CCDC150: variants seen among roughly 807,000 people sequenced by gnomAD.
The protein encoded by CCDC150 is coiled-coil domain-containing protein 150.
In CCDC150, 151 loss-of-function variants were observed where a neutral mutation model predicts 156.5. That is an observed-to-expected ratio of 0.97 (90% CI 0.85 to 1.10). The LOEUF (loss-of-function observed/expected upper bound fraction) is 1.10. Among genes scored for constraint, CCDC150 ranks in the 50% least tolerant of loss-of-function variants. The pLI is 0.00. For missense variants in CCDC150, 1,312 were observed against 1,268.1 expected (o/e 1.03, Z -0.53); for synonymous variants, 452 against 429.4 (o/e 1.05, Z -0.65).
intron 5 of CCDC150, among the ~76,000 whole-genome samples, chr2:196,659,229 AC>A (rs1208299349): frequency 6.6e-6 from 1 of 152,200 alleles, no homozygotes; most frequent in Non-Finnish European, 1.5e-5. Flanking sequence ...ATCTAATTTT[AC>A]CTTAAACTTT....
chr2:196,676,167 A>C lies in CCDC150; in HGVS notation c.1162A>C (p.Thr388Pro). The change falls in exon 11 of 28, where the codon ACA (threonine) becomes CCA (proline). Residue 388 changes from threonine to proline, a missense_variant. Thr to Pro is a conservative substitution (Grantham distance 38). Transcript: ENST00000389175. ...GGTAGAGCAGAAAATGATGACGCAG[A>C]CATTTCAAGAACAAAACTTATTGCT... ...LQVEQKMMTQTFQEQNLLLDA... is the reference protein window; with the variant it reads ...LQVEQKMMTQPFQEQNLLLDA... 6.2e-7 allele frequency: 1 copy of C among 1,613,694 alleles called. No individual in the cohort carries two copies. The highest frequency in any genetic ancestry group is 8.5e-7 in the Non-Finnish European group (1 of 1,179,670).
At position 196,656,653 on chromosome 2, in the gene CCDC150, A is replaced by C; in HGVS notation, c.197A>C (p.Asp66Ala). Residue 66 changes from aspartate to alanine, a missense_variant, in exon 3 of 28, where the codon GAC becomes GCC. By Grantham distance (126) the Asp-to-Ala change is moderately radical (BLOSUM62 -2). Coordinates refer to ENST00000389175, the MANE Select transcript of CCDC150 (RefSeq NM_001080539.2). ...TCCAGAGGCTATTTGGAAGCTCCAGACTGTTTAGAAGACCTGGACAGCCAG... is the reference window on the plus strand; with the variant it reads ...TCCAGAGGCTATTTGGAAGCTCCAGCCTGTTTAGAAGACCTGGACAGCCAG... The part of the protein sequence containing the change: ...GEKRGYLEAP[D>A]CLEDLDSQKV... 6.2e-7 allele frequency: 1 copy of C among 1,610,614 alleles called. No individual in the cohort carries two copies. Among genetic ancestry groups the C allele is most frequent in the Non-Finnish European group, 8.5e-7 (1 of 1,178,122 alleles).
intron 13 of CCDC150, among the ~76,000 whole-genome samples, chr2:196,685,787 G>A (rs1365845086): frequency 2.0e-5 from 3 of 151,606 alleles, no homozygotes; most frequent in Admixed American, 6.6e-5. Flanking sequence ...AATTTTTTTT[G>A]TATTTTTAGT....
intron 13 of CCDC150, among the ~76,000 whole-genome samples, chr2:196,693,735 A>C (rs1271900390): frequency 6.6e-6 from 1 of 152,074 alleles, no homozygotes; most frequent in African/African-American, 2.4e-5. Context: ...TTAGGGGGAA[A>C]GTTTTTCACT....
At chr2:196,718,473 G>T in intron 17 of CCDC150, 30 bp from the exon 18 acceptor site, 1 of 1,540,596 alleles carries the variant, frequency 6.5e-7, no homozygotes, top group Non-Finnish European at 8.8e-7. Flanking sequence ...GATTTGTAAT[G>T]TTATTTATTG....
Position 196,730,951 on chromosome 2 carries a change from C to G in CCDC150, c.3069+6C>G. The G allele has an allele frequency of 6.3e-7, 1 of 1,587,286 alleles. No individual in the cohort carries two copies. The highest frequency in any genetic ancestry group is 8.6e-7 in the Non-Finnish European group (1 of 1,166,430). On this transcript the variant is annotated splice_donor_region_variant and intron_variant, in intron 26 of 27. Transcript: ENST00000389175. ...CCAGTGTGGAATCAGAACAGGTGAG[C>G]CAGACCCACGGACATAAAGACTTAG... is the stretch of plus-strand genomic sequence containing the variant.
intron 15 of CCDC150, among the ~76,000 whole-genome samples, chr2:196,711,786 G>A (rs532165013): frequency 2.7e-4 from 41 of 152,056 alleles, no homozygotes; most frequent in African/African-American, 9.9e-4. Context: ...CATTCAAAAG[G>A]GTTTTGAATG....
Position 196,729,793 on chromosome 2 carries a change from C to G in CCDC150, c.2752C>G (p.Gln918Glu), listed in dbSNP as rs1698427209. 2 of 1,554,624 alleles carry G rather than the reference C, an allele frequency of 1.3e-6. No individual in the cohort carries two copies. The highest frequency in any genetic ancestry group is 4.5e-5 in the East Asian group (2 of 44,304). ...TATGTTATTTTCCAATTACTTTTAG[C>G]AAATAGAAAAAGAATTGAAGCAAAT... The part of the protein sequence containing the change: ...NNAQNIERMK[Q>E]IEKELKQMEL... Residue 918 changes from glutamine to glutamate, a missense_variant and splice_region_variant, in exon 24 of 28, where the codon CAA (glutamine) becomes GAA (glutamate). By Grantham distance (29) the Gln-to-Glu change is conservative (BLOSUM62 2). Transcript: ENST00000389175.
intron 15 of CCDC150, among the ~76,000 whole-genome samples, chr2:196,710,644 C>A (rs192426499): frequency 1.3e-5 from 2 of 152,182 alleles, no homozygotes; most frequent in Admixed American, 1.3e-4. Flanking sequence ...AATGGAATAG[C>A]CTAAAATCAG....
At position 196,662,268 on chromosome 2, in the gene CCDC150, A is replaced by G. The variant is rs186541763; in HGVS notation, c.646-3299A>G. ...AAAGAATAAAATTATAAAATGGTCA[A>G]TAGATTTGACCACATAAGAATACTT... On this transcript the variant is annotated intron_variant, in intron 5 of 27. Transcript: ENST00000389175. 6.5e-4 allele frequency among the ~76,000 whole-genome samples: 99 copies of G among 152,326 alleles called. 1 individual carries two copies. Among genetic ancestry groups the G allele is most frequent in the African/African-American group, 2.3e-3 (95 of 41,572 alleles).
rs181817575 is a variant in CCDC150, at chr2:196,729,342, C to T, written c.2706C>T (p.His902=). The T allele has an allele frequency of 7.5e-5, 121 of 1,613,842 alleles. No homozygotes were observed. The highest frequency in any genetic ancestry group is 1.1e-4 in the East Asian group (5 of 44,878). The change falls in exon 23 of 28, where the codon CAC becomes CAT. Residue 902 remains histidine, a synonymous_variant. Coordinates refer to ENST00000389175, the MANE Select transcript of CCDC150 (RefSeq NM_001080539.2). ...IKNQKTQIKL[H]LSAKANNAQN... ...ATCAAAAGACCCAAATTAAGCTCCA[C>T]TTGTCAGCTAAGGCGAATAATGCTC...
intron 17 of CCDC150, among the ~76,000 whole-genome samples, chr2:196,716,479 TGAAA>T (rs1327235384): frequency 6.6e-6 from 1 of 151,984 alleles, no homozygotes; most frequent in African/African-American, 2.4e-5. Context: ...TTACACTGAG[TGAAA>T]GAAGTTATTC....
intron 18 of CCDC150, 52 bp downstream of exon 18, chr2:196,718,683 A>G: frequency 1.3e-6 from 2 of 1,597,254 alleles, no homozygotes; most frequent in Non-Finnish European, 8.5e-7. Context: ...AGCACTTATG[A>G]AATCTTTCAT....
chr2:196,640,119 C>T lies in CCDC150; in HGVS notation c.12+341C>T, dbSNP rs556666348. Among the ~76,000 whole-genome samples the T allele has an allele frequency of 5.3e-5, 8 of 152,242 alleles. No homozygotes were observed. The South Asian group carries it at 1.7e-3, about 32-fold the overall frequency. ...CGGCGTTAATGTTTGATTTTTGCCA[C>T]CAGTTAATCCTCCCTGGCTTGCTTA... On this transcript the variant is annotated intron_variant, in intron 1 of 27. Coordinates refer to ENST00000389175, the MANE Select transcript of CCDC150 (RefSeq NM_001080539.2).
intron 13 of CCDC150, among the ~76,000 whole-genome samples, chr2:196,690,731 C>G (rs987372910): frequency 2.6e-5 from 4 of 152,126 alleles, no homozygotes; most frequent in Non-Finnish European, 4.4e-5. Context: ...GCCAGAACTT[C>G]CAATATTGTG....
At chr2:196,696,641 C>T (rs1195883547) in intron 14 of CCDC150, among the ~76,000 whole-genome samples, 1 of 152,212 alleles carries the variant, frequency 6.6e-6, no homozygotes, top group Non-Finnish European at 1.5e-5. Flanking sequence ...GCAGCTCTGT[C>T]TCCACCCAGA....
At chr2:196,656,528 C>T (rs1519678) in intron 2 of CCDC150, 105 bp from the exon 3 acceptor site, 605,470 of 776,430 alleles carry the variant, frequency 0.78, 237,323 homozygotes, top group East Asian at 0.96. Context: ...TGATGTCACT[C>T]TCCAATTATT....
chr2:196,687,832 C>T (rs111875347), intron 13 of CCDC150, among the ~76,000 whole-genome samples: 107 of 152,222 alleles, frequency 7.0e-4, no homozygotes, highest in African/African-American at 2.4e-3. Flanking sequence ...GCCAGTTATC[C>T]CAGTCCCATT....
intron 15 of CCDC150, among the ~76,000 whole-genome samples, chr2:196,709,071 TCTC>T (rs1696891619): frequency 6.6e-6 from 1 of 152,204 alleles, no homozygotes; most frequent in African/African-American, 2.4e-5. Context: ...TTGGGGAAGT[TCTC>T]CTGGATAATA....
Sources: allele counts gnomAD v4.1 joint callset (sites outside exome capture counted in the v4.1 genomes callset), GRCh38; gene constraint gnomAD v4.1.1; transcripts MANE v1.5; gene names NCBI Gene and HGNC (gene_info 2026-07-23, HGNC 2026-07-21).